GPC5: variants seen among roughly 807,000 people sequenced by gnomAD.
GPC5 encodes the protein glypican-5.
A neutral mutation model predicts 53.9 loss-of-function variants in GPC5; 47 were observed. That is an observed-to-expected ratio of 0.87 (90% CI 0.69 to 1.11). GPC5 has a LOEUF of 1.11. GPC5 is among the 50% of genes most tolerant of loss of function. The probability of loss-of-function intolerance (pLI) is 0.00; values close to 1 mark genes in which losing one functional copy is unlikely to be tolerated. For synonymous variants in GPC5, 286 were observed against 263.3 expected (o/e 1.09, Z -0.84); for missense variants, 748 against 713.1 (o/e 1.05, Z -0.56).
intron 2 of GPC5, among the ~76,000 whole-genome samples, chr13:91,636,375 TATAA>T (rs1396219482): frequency 6.7e-6 from 1 of 150,158 alleles, no homozygotes; most frequent in Non-Finnish European, 1.5e-5. Context: ...ATACACATTA[TATAA>T]ATATATTTTA....
chr13:91,495,052 G>C (rs1465666717), intron 2 of GPC5, among the ~76,000 whole-genome samples: 1 of 152,140 alleles, frequency 6.6e-6, no homozygotes, highest in African/African-American at 2.4e-5. Flanking sequence ...ACTAAACTGA[G>C]CTCCTGATTT....
intron 6 of GPC5, among the ~76,000 whole-genome samples, chr13:92,031,765 T>A (rs1407983392): frequency 1.1e-5 from 1 of 90,878 alleles, no homozygotes; most frequent in African/African-American, 5.0e-5. Flanking sequence ...TATTACATAT[T>A]ATATATAATA....
intron 6 of GPC5, among the ~76,000 whole-genome samples, chr13:92,037,391 T>C (rs2040902365): frequency 6.6e-6 from 1 of 152,204 alleles, no homozygotes; most frequent in African/African-American, 2.4e-5. Flanking sequence ...TTCAAGGACC[T>C]GTTTTACAGT....
chr13:91,699,038 A>G (rs1260283077), intron 3 of GPC5, among the ~76,000 whole-genome samples: 1 of 152,236 alleles, frequency 6.6e-6, no homozygotes, highest in Non-Finnish European at 1.5e-5. Context: ...TCTCATTCTT[A>G]GGGTGAAATA....
intron 6 of GPC5, among the ~76,000 whole-genome samples, chr13:92,081,616 C>A (rs1348204491): frequency 6.6e-6 from 1 of 152,012 alleles, no homozygotes; most frequent in Non-Finnish European, 1.5e-5. Context: ...CTTCCATGCT[C>A]TCAGGTAGAG....
chr13:92,432,356 GGT>G (rs1566588069), intron 7 of GPC5, among the ~76,000 whole-genome samples: 1 of 141,482 alleles, frequency 7.1e-6, no homozygotes, highest in African/African-American at 2.6e-5. Context: ...GTTGGTGGTG[GGT>G]TTTTTTTTTT....
chr13:91,522,038 G>A (rs762412024), intron 2 of GPC5, among the ~76,000 whole-genome samples: 2 of 152,250 alleles, frequency 1.3e-5, no homozygotes, highest in African/African-American at 2.4e-5. Flanking sequence ...GGAGGAAGGG[G>A]TATGTATGGC....
At chr13:91,587,502 C>T (rs566716511) in intron 2 of GPC5, among the ~76,000 whole-genome samples, 4 of 152,102 alleles carry the variant, frequency 2.6e-5, no homozygotes, top group African/African-American at 9.7e-5. Context: ...ATTTAACCTT[C>T]AAATCAGCCT....
At chr13:91,895,301 G>T (rs930231591) in intron 5 of GPC5, among the ~76,000 whole-genome samples, 1 of 152,162 alleles carries the variant, frequency 6.6e-6, no homozygotes, top group Non-Finnish European at 1.5e-5. Context: ...TGGGGATAGG[G>T]CATTGCCTTG....
chr13:92,172,359 G>A (rs1463533570), intron 7 of GPC5, among the ~76,000 whole-genome samples: 1 of 152,146 alleles, frequency 6.6e-6, no homozygotes, highest in Non-Finnish European at 1.5e-5. Flanking sequence ...TATGGTATGA[G>A]TGCCAAAATG....
intron 7 of GPC5, among the ~76,000 whole-genome samples, chr13:92,425,679 G>A (rs1876799584): frequency 6.6e-6 from 1 of 152,048 alleles, no homozygotes; most frequent in African/African-American, 2.4e-5. Flanking sequence ...ATAATCCTAA[G>A]CAATATGCCT....
intron 7 of GPC5, among the ~76,000 whole-genome samples, chr13:92,278,850 T>G (rs1046194182): frequency 3.3e-5 from 5 of 152,086 alleles, no homozygotes; most frequent in Non-Finnish European, 5.9e-5. Flanking sequence ...ATGCTTGGGT[T>G]TATTTCTGGA....
At chr13:91,987,498 T>C (rs1405886004) in intron 6 of GPC5, among the ~76,000 whole-genome samples, 1 of 152,134 alleles carries the variant, frequency 6.6e-6, no homozygotes, top group African/African-American at 2.4e-5. Flanking sequence ...ACTTTTAGAG[T>C]TACTTCTTGG....
intron 7 of GPC5, among the ~76,000 whole-genome samples, chr13:92,155,417 A>G (rs954729852): frequency 6.6e-6 from 1 of 152,068 alleles, no homozygotes; most frequent in Non-Finnish European, 1.5e-5. Context: ...ACTAGAATGT[A>G]TTTTGTGTTG....
chr13:91,436,003 A>T (rs1487293181), intron 1 of GPC5, among the ~76,000 whole-genome samples: 6 of 152,172 alleles, frequency 3.9e-5, no homozygotes. Flanking sequence ...CTCTGATGGT[A>T]GTTTGTATTT....
Position 92,325,188 on chromosome 13 carries a change from T to C in GPC5, c.1561+180199T>C, listed in dbSNP as rs151299006. ...AAGCATGTTTATACATATTCTCAGATTAGTAAGAGTCTCCGTATACACATC... is the reference window on the plus strand; with the variant it reads ...AAGCATGTTTATACATATTCTCAGACTAGTAAGAGTCTCCGTATACACATC... On this transcript the variant is annotated intron_variant, in intron 7 of 7. Coordinates refer to ENST00000377067, the MANE Select transcript of GPC5 (RefSeq NM_004466.6). Among the ~76,000 whole-genome samples, 4 of 151,614 alleles carry C rather than the reference T, an allele frequency of 2.6e-5. No individual in the cohort carries two copies. In the Admixed American group the frequency reaches 2.6e-4, roughly 10 times the overall value.
intron 7 of GPC5, among the ~76,000 whole-genome samples, chr13:92,589,162 A>G (rs370335764): frequency 7.9e-5 from 12 of 152,306 alleles, no homozygotes; most frequent in Admixed American, 3.9e-4. Context: ...AGCACTAACG[A>G]TGTTCTGTTC....
At chr13:91,459,095 A>ACC (rs1881754579) in intron 2 of GPC5, among the ~76,000 whole-genome samples, 7 of 151,988 alleles carry the variant, frequency 4.6e-5, no homozygotes, top group African/African-American at 1.4e-4. Context: ...AAAAGACTAC[A>ACC]CTGGGTACAG....
At chr13:91,506,682 G>T (rs971008327) in intron 2 of GPC5, among the ~76,000 whole-genome samples, 1 of 151,828 alleles carries the variant, frequency 6.6e-6, no homozygotes, top group Non-Finnish European at 1.5e-5. Flanking sequence ...AGACTTAAAT[G>T]ACATAGAAAA....
Sources: gnomAD v4.1 joint callset for allele counts (sites outside exome capture counted in the v4.1 genomes callset) on GRCh38, gnomAD v4.1.1 for gene constraint, MANE v1.5 for transcripts, NCBI Gene and HGNC (gene_info 2026-07-23, HGNC 2026-07-21) for gene names.